The following GPR158 variants were observed in gnomAD, a reference collection of about 807,000 sequenced individuals.
The protein encoded by GPR158 is metabotropic glycine receptor.
GPR158 carries 30 observed loss-of-function variants against 78.2 expected under a neutral mutation model. The ratio of observed to expected loss-of-function variants is 0.38; its 90% confidence interval spans 0.29 to 0.52. The LOEUF (loss-of-function observed/expected upper bound fraction) is 0.52, where lower values mean the gene tolerates loss of function less well. GPR158 is among the 20% of genes least tolerant of loss of function. The pLI is 0.83. For missense variants in GPR158, 1,463 were observed against 1,523.5 expected (o/e 0.96, Z 0.66); for synonymous variants, 581 against 591.1 (o/e 0.98, Z 0.25).
intron 2 of GPR158, among the ~76,000 whole-genome samples, chr10:25,367,573 C>A (rs768772778): frequency 1.1e-4 from 16 of 151,840 alleles, no homozygotes; most frequent in Middle Eastern, 3.4e-3. Context: ...AAATGGAAAT[C>A]TTGATAATAG....
At chr10:25,573,786 T>C (rs1159367729) in intron 7 of GPR158, among the ~76,000 whole-genome samples, 1 of 152,182 alleles carries the variant, frequency 6.6e-6, no homozygotes, top group Non-Finnish European at 1.5e-5. Context: ...TGGAAGCTAA[T>C]AAAATGTGTA....
intron 2 of GPR158, among the ~76,000 whole-genome samples, chr10:25,354,467 C>T (rs145280147): frequency 8.6e-5 from 13 of 152,042 alleles, no homozygotes; most frequent in Middle Eastern, 3.4e-3. Context: ...CTCCATTCCC[C>T]GCTACATTTA....
intron 2 of GPR158, among the ~76,000 whole-genome samples, chr10:25,364,524 G>A (rs10828778): frequency 0.6 from 90,676 of 151,612 alleles, 28,444 homozygotes; most frequent in Non-Finnish European, 0.72. Flanking sequence ...GGAAATGAGG[G>A]TACTTAAACA....
intron 5 of GPR158, among the ~76,000 whole-genome samples, chr10:25,546,676 A>G (rs942968300): frequency 3.9e-5 from 6 of 152,308 alleles, no homozygotes; most frequent in Middle Eastern, 3.4e-3. Context: ...GCTAGTGCCA[A>G]TGTCACAGAA....
At chr10:25,583,807 C>T (rs1290590019) in intron 7 of GPR158, among the ~76,000 whole-genome samples, 1 of 152,058 alleles carries the variant, frequency 6.6e-6, no homozygotes, top group South Asian at 2.1e-4. Flanking sequence ...ATTTTTAATG[C>T]GGCAAAGCAG....
chr10:25,540,427 C>A lies in GPR158; in HGVS notation c.1405-10549C>A, dbSNP rs185557573. On this transcript the variant is annotated intron_variant, in intron 5 of 10. Coordinates refer to ENST00000376351, the MANE Select transcript of GPR158 (RefSeq NM_020752.3). The stretch of plus-strand genomic sequence containing the variant: ...AAACTAGAAATACCATTTGACCCAG[C>A]CATCCCATTACTGGGTATACACCCA... Among the ~76,000 whole-genome samples, 263 of 152,286 alleles carry A rather than the reference C, an allele frequency of 1.7e-3. 13 individuals carry two copies. The South Asian group carries it at 0.048, about 28-fold the overall frequency.
rs550604951 is a variant in GPR158 at position 25,282,202 on chromosome 10, G to T, written c.1008+61045G>T. Reference sequence around the variant, plus strand: ...CTCCCATAAAGTGTTGCATTTTCCAGAAAATCATATAAATAAATTATACAG... The same window carrying T: ...CTCCCATAAAGTGTTGCATTTTCCATAAAATCATATAAATAAATTATACAG... On this transcript the variant is annotated intron_variant, in intron 2 of 10. Coordinates refer to ENST00000376351, the MANE Select transcript of GPR158 (RefSeq NM_020752.3). 3.5e-4 allele frequency among the ~76,000 whole-genome samples: 53 copies of T among 152,142 alleles called. 1 individual carries two copies. In the South Asian group the frequency reaches 0.011, roughly 32 times the overall value.
At position 25,379,349 on chromosome 10, in the gene GPR158, T is replaced by C. The variant is rs182758907; in HGVS notation, c.1009-16562T>C. Among the ~76,000 whole-genome samples, 3 of 152,310 alleles carry C rather than the reference T, an allele frequency of 2.0e-5. No individual in the cohort carries two copies. In the East Asian group the frequency reaches 5.8e-4, roughly 29 times the overall value. On this transcript the variant is annotated intron_variant, in intron 2 of 10. Coordinates refer to ENST00000376351, the MANE Select transcript of GPR158 (RefSeq NM_020752.3). Reference sequence around the variant, plus strand: ...GAGGCTTTAACCTATCTCTGATAAGTAACTTGATATAGACATATCACCTTA... The same window carrying C: ...GAGGCTTTAACCTATCTCTGATAAGCAACTTGATATAGACATATCACCTTA...
intron 2 of GPR158, among the ~76,000 whole-genome samples, chr10:25,362,387 A>G (rs990513092): frequency 6.6e-6 from 1 of 151,906 alleles, no homozygotes; most frequent in African/African-American, 2.4e-5. Context: ...ATCAGGAAGT[A>G]TGAATTCTCT....
chr10:25,205,363 G>GT (rs1853010101), intron 1 of GPR158, among the ~76,000 whole-genome samples: 1 of 141,124 alleles, frequency 7.1e-6, no homozygotes, highest in African/African-American at 2.6e-5. Context: ...CTTTTGAATA[G>GT]TTTTTCATGT....
chr10:25,488,069 A>C (rs1835757557), intron 5 of GPR158, among the ~76,000 whole-genome samples: 1 of 152,262 alleles, frequency 6.6e-6, no homozygotes, highest in South Asian at 2.1e-4. Context: ...TAAAAGGCTA[A>C]ATTTTTTTCT....
chr10:25,279,925 G>C (rs1396738193), intron 2 of GPR158, among the ~76,000 whole-genome samples: 2 of 149,184 alleles, frequency 1.3e-5, no homozygotes, highest in African/African-American at 5.0e-5. Flanking sequence ...ATTAATTTTA[G>C]ACTTTTGTGC....
At chr10:25,321,063 G>C (rs944096347) in intron 2 of GPR158, among the ~76,000 whole-genome samples, 19 of 152,104 alleles carry the variant, frequency 1.2e-4, no homozygotes, top group African/African-American at 4.6e-4. Context: ...ATCTGTTCTT[G>C]GCACTAATGA....
chr10:25,229,296 TAGGG>T (rs1853417602), intron 2 of GPR158, among the ~76,000 whole-genome samples: 1 of 152,122 alleles, frequency 6.6e-6, no homozygotes, highest in Non-Finnish European at 1.5e-5. Context: ...TTGTGGATCA[TAGGG>T]AGGATTACTA....
chr10:25,534,112 C>T (rs970427982), intron 5 of GPR158, among the ~76,000 whole-genome samples: 6 of 152,190 alleles, frequency 3.9e-5, no homozygotes, highest in African/African-American at 1.4e-4. Flanking sequence ...TTTCAGCTTT[C>T]TTTGACATCT....
At chr10:25,303,731 T>A (rs1469895050) in intron 2 of GPR158, among the ~76,000 whole-genome samples, 1 of 152,218 alleles carries the variant, frequency 6.6e-6, no homozygotes, top group Non-Finnish European at 1.5e-5. Flanking sequence ...AAAGGCAATA[T>A]GTTTTATTTT....
chr10:25,308,816 A>T (rs1170832227), intron 2 of GPR158, among the ~76,000 whole-genome samples: 1 of 152,080 alleles, frequency 6.6e-6, no homozygotes, highest in African/African-American at 2.4e-5. Flanking sequence ...AGTATATTTT[A>T]TGACTGGCTT....
chr10:25,510,748 C>T (rs188584407), intron 5 of GPR158, among the ~76,000 whole-genome samples: 10 of 152,282 alleles, frequency 6.6e-5, no homozygotes, highest in Non-Finnish European at 1.2e-4. Flanking sequence ...ATTCTTACGC[C>T]TTTGCATCCT....
chr10:25,291,992 C>A (rs1465553713), intron 2 of GPR158, among the ~76,000 whole-genome samples: 1 of 151,992 alleles, frequency 6.6e-6, no homozygotes, highest in African/African-American at 2.4e-5. Context: ...GGAGTTTACT[C>A]AAAAAATGTA....
Sources: allele counts gnomAD v4.1 joint callset (sites outside exome capture counted in the v4.1 genomes callset), GRCh38; gene constraint gnomAD v4.1.1; transcripts MANE v1.5; gene names NCBI Gene and HGNC (gene_info 2026-07-23, HGNC 2026-07-21).